The following CYP1A2 variants were observed in gnomAD, a reference collection of about 807,000 sequenced individuals.
CYP1A2 encodes the protein cytochrome P450 family 1 subfamily A member 2.
Under a neutral mutation model 34.7 loss-of-function variants are expected in CYP1A2, and 35 were observed. That is an observed-to-expected ratio of 1.01 (90% CI 0.77 to 1.34). CYP1A2 has a LOEUF of 1.34. Ranked by LOEUF, CYP1A2 falls within the 40% of genes most tolerant of loss-of-function variation. CYP1A2 has a pLI of 0.00. For synonymous variants in CYP1A2, 288 were observed against 281.9 expected (o/e 1.02, Z -0.22); for missense variants, 675 against 675.8 (o/e 1.00, Z 0.01).
Position 74,751,852 on chromosome 15 carries a change from T to C in CYP1A2, c.1040T>C (p.Leu347Pro), listed in dbSNP as rs2063316930. Residue 347 changes from leucine to proline, a missense_variant and splice_region_variant, in exon 4 of 7, where the codon CTG becomes CCG. Leu to Pro is a moderately conservative substitution (Grantham distance 98). Coordinates refer to ENST00000343932, the MANE Select transcript of CYP1A2 (RefSeq NM_000761.5). Reference sequence around the variant, plus strand: ...ATACAGAGGAAGATCCAGAAGGAGCTGGGTACATGGGGGCCCCCAACCCTA... The same window carrying C: ...ATACAGAGGAAGATCCAGAAGGAGCCGGGTACATGGGGGCCCCCAACCCTA... ...PEIQRKIQKE[L>P]DTVIGRERRP... is the part of the protein sequence containing the mutation. 1 of 1,613,770 alleles carries C rather than the reference T, an allele frequency of 6.2e-7. No individual in the cohort carries two copies. Among genetic ancestry groups the C allele is most frequent in the Non-Finnish European group, 8.5e-7 (1 of 1,179,958 alleles).
At chr15:74,752,269 C>G (rs576371043) in intron 5 of CYP1A2, 22 bp downstream of exon 5, 1 of 1,612,814 alleles carries the variant, frequency 6.2e-7, no homozygotes, top group Non-Finnish European at 8.5e-7. Context: ...CGGTTCTGCC[C>G]TCCCACCTCT....
chr15:74,753,050 C>T (rs1567206405), intron 5 of CYP1A2, 134 bp from the exon 6 acceptor site: 2 of 617,256 alleles, frequency 3.2e-6, no homozygotes, highest in Non-Finnish European at 5.8e-6. Context: ...TACCTCTTCC[C>T]TGTTCCTCCC....
At chr15:74,753,649 G>A (rs1183111426) in intron 6 of CYP1A2, among the ~76,000 whole-genome samples, 1 of 151,494 alleles carries the variant, frequency 6.6e-6, no homozygotes, top group African/African-American at 2.4e-5. Context: ...CAGGAGAATT[G>A]CTTGAACTCT....
At chr15:74,753,008 G>C (rs1001162410) in intron 5 of CYP1A2, among the ~76,000 whole-genome samples, 176 bp from the exon 6 acceptor site, 1 of 149,618 alleles carries the variant, frequency 6.7e-6, no homozygotes, top group African/African-American at 2.5e-5. Context: ...TGAAGTTAAA[G>C]AACAGGACGC....
At chr15:74,752,084 G>A (rs373310437) in intron 4 of CYP1A2, 40 bp from the exon 5 acceptor site, 4 of 1,611,260 alleles carry the variant, frequency 2.5e-6, no homozygotes, top group Non-Finnish European at 3.4e-6. Context: ...GGGGCAGTTA[G>A]GGCAGCCCCT....
rs948581642 is a variant in CYP1A2 at position 74,755,834 on chromosome 15, T to C, written c.*746T>C. The C allele has an allele frequency of 2.0e-5, 3 of 151,860 alleles. No homozygotes were observed. The highest frequency in any genetic ancestry group is 7.3e-5 in the African/African-American group (3 of 41,302). The allele number at this position is 151,860 out of a possible 1,614,324, so 9.4% of individuals were successfully genotyped here. Reference sequence around the variant, plus strand: ...ATTAATTTTATTATTCTTATTATTTTTGAGACAGAGTCTTACTCTGTTGCC... The same window carrying C: ...ATTAATTTTATTATTCTTATTATTTCTGAGACAGAGTCTTACTCTGTTGCC... On this transcript the variant is annotated 3_prime_UTR_variant, in exon 7 of 7. Transcript: ENST00000343932.
At chr15:74,751,123 G>A (rs577150257) in intron 2 of CYP1A2, 66 bp from the exon 3 acceptor site, 10 of 1,596,422 alleles carry the variant, frequency 6.3e-6, no homozygotes, top group Non-Finnish European at 6.8e-6. Flanking sequence ...GGCCAGGGGA[G>A]TGGAGCAACG....
At chr15:74,749,649 G>T in intron 1 of CYP1A2, 81 bp from the exon 2 acceptor site, 2 of 1,210,622 alleles carry the variant, frequency 1.7e-6, no homozygotes, top group Middle Eastern at 2.0e-4. Context: ...ACGCATCAGT[G>T]TTTATCAAAT....
chr15:74,754,717 G>A, intron 6 of CYP1A2, 74 bp from the exon 7 acceptor site: 1 of 1,483,594 alleles, frequency 6.7e-7, no homozygotes, highest in South Asian at 1.3e-5. Flanking sequence ...CTCAACAGAA[G>A]TCTCCCTCCC....
rs1277524462 is a variant in CYP1A2, at chr15:74,751,842, C to T, written c.1030C>T (p.Gln344Ter). 1.2e-5 allele frequency: 19 copies of T among 1,613,968 alleles called. No homozygotes were observed. The highest frequency in any genetic ancestry group is 1.4e-5 in the Non-Finnish European group (17 of 1,180,014). The change falls in exon 4 of 7, where the codon CAG becomes TAG. Residue 344 changes from glutamine to a stop codon, truncating the protein, a stop_gained. Coordinates refer to ENST00000343932, the MANE Select transcript of CYP1A2 (RefSeq NM_000761.5). LOFTEE classifies it high-confidence loss of function. ...CAAGCCTGAGATACAGAGGAAGATC[C>T]AGAAGGAGCTGGGTACATGGGGGCC... ...VTKPEIQRKI[Q>*]KELDTVIGRE...
rs754811709 is a variant in CYP1A2, at chr15:74,750,066, G to A, written c.328G>A (p.Asp110Asn). The A allele has an allele frequency of 5.0e-6, 8 of 1,614,050 alleles. No homozygotes were observed. In the Middle Eastern group the frequency reaches 4.9e-4, roughly 100 times the overall value. The part of the protein sequence containing the change: ...RQGDDFKGRP[D>N]LYTSTLITDG... ...GGGCGACGATTTCAAGGGCCGGCCT[G>A]ACCTCTACACCTCCACCCTCATCAC... is the stretch of plus-strand genomic sequence containing the variant. The change falls in exon 2 of 7, where the codon GAC (aspartate) becomes AAC (asparagine). Residue 110 changes from aspartate (D) to asparagine (N), a missense_variant. Transcript: ENST00000343932.
At chr15:74,751,501 TCTC>T (rs1187182517) in intron 3 of CYP1A2, among the ~76,000 whole-genome samples, 192 bp downstream of exon 3, 24 of 152,272 alleles carry the variant, frequency 1.6e-4, no homozygotes, top group Non-Finnish European at 5.9e-5. Context: ...GCAAAGTCCT[TCTC>T]CTCCCCTAGG....
Position 74,756,118 on chromosome 15 carries a change from T to G in CYP1A2, c.*1030T>G, listed in dbSNP as rs2063337064. ...GGTATGAACCACCGCGCCCAGCCTT[T>G]TTGTTTTTTTTTTTTTTGAGACAGA... On this transcript the variant is annotated 3_prime_UTR_variant, in exon 7 of 7. Transcript: ENST00000343932. 2 of 123,252 alleles carry G rather than the reference T, an allele frequency of 1.6e-5. No individual in the cohort carries two copies. Among genetic ancestry groups the G allele is most frequent in the East Asian group, 2.2e-4 (1 of 4,650 alleles). 7.6% of individuals were successfully genotyped at this position (123,252 alleles called of 1,614,324 possible).
At chr15:74,753,384 T>C in intron 6 of CYP1A2, 114 bp downstream of exon 6, 1 of 798,848 alleles carries the variant, frequency 1.3e-6, no homozygotes, top group Non-Finnish European at 2.0e-6. Flanking sequence ...ATTGCTATAG[T>C]CTGCTCTAAG....
At position 74,750,022 on chromosome 15, in the gene CYP1A2, G is replaced by A. The variant is rs754758658; in HGVS notation, c.284G>A (p.Arg95Gln). ...VLVLSRLDTI[R>Q]QALVRQGDDF... ...GTGCTGAGCCGCCTGGACACCATCC[G>A]GCAGGCCCTGGTGCGGCAGGGCGAC... The change falls in exon 2 of 7, where the codon CGG (arginine) becomes CAG (glutamine). Residue 95 changes from arginine to glutamine, a missense_variant. Physicochemically the swap from Arg to Gln is conservative, Grantham distance 43 (BLOSUM62 1). Coordinates refer to ENST00000343932, the MANE Select transcript of CYP1A2 (RefSeq NM_000761.5). The A allele has an allele frequency of 1.8e-5, 29 of 1,613,914 alleles. No homozygotes were observed. The highest frequency in any genetic ancestry group is 1.6e-4 in the African/African-American group (12 of 74,904).
Position 74,753,415 on chromosome 15 carries a change from T to C in CYP1A2, c.1253+145T>C, listed in dbSNP as rs897752495. 3 of 643,138 alleles carry C rather than the reference T, an allele frequency of 4.7e-6. No homozygotes were observed. In the Admixed American group the frequency reaches 8.4e-5, roughly 18 times the overall value. The allele number at this position is 643,138 out of a possible 1,614,324, so 39.8% of individuals were successfully genotyped here. On this transcript the variant is annotated intron_variant, in intron 6 of 6. Coordinates refer to ENST00000343932, the MANE Select transcript of CYP1A2 (RefSeq NM_000761.5). The stretch of plus-strand genomic sequence containing the variant: ...CTAAGTGACGATATTTACAAAAGTT[T>C]CACAAACTTTAGTGCACAGGAATCA...
intron 4 of CYP1A2, 107 bp from the exon 5 acceptor site, chr15:74,752,017 T>C: frequency 6.4e-7 from 1 of 1,564,444 alleles, no homozygotes; most frequent in Non-Finnish European, 8.7e-7. Context: ...GGTCGCAGAC[T>C]TGTGAATAGA....
intron 2 of CYP1A2, 47 bp downstream of exon 2, chr15:74,750,616 T>G: frequency 6.6e-7 from 1 of 1,505,184 alleles, no homozygotes; most frequent in Non-Finnish European, 9.2e-7. Context: ...AGGGCCTGGG[T>G]GCAGCCCCTC....
rs1278748858 is a variant in CYP1A2, at chr15:74,750,300, C to T, written c.562C>T (p.Pro188Ser). Residue 188 changes from proline to serine, a missense_variant, in exon 2 of 7, where the codon CCT becomes TCT. By Grantham distance (74) the Pro-to-Ser change is moderately conservative. Coordinates refer to ENST00000343932, the MANE Select transcript of CYP1A2 (RefSeq NM_000761.5). The part of the protein sequence containing the change: ...ELMAGPGHFD[P>S]YNQVVVSVAN... The stretch of plus-strand genomic sequence containing the variant: ...GATGGCAGGGCCTGGGCACTTCGAC[C>T]CTTACAATCAGGTGGTGGTGTCAGT... 4 of 1,613,654 alleles carry T rather than the reference C, an allele frequency of 2.5e-6. No homozygotes were observed. The highest frequency in any genetic ancestry group is 3.4e-6 in the Non-Finnish European group (4 of 1,179,926).
Sources: allele counts gnomAD v4.1 joint callset (sites outside exome capture counted in the v4.1 genomes callset), GRCh38; gene constraint gnomAD v4.1.1; transcripts MANE v1.5; gene names NCBI Gene and HGNC (gene_info 2026-07-23, HGNC 2026-07-21).